Variants in ATP2A3 observed in about 807,000 individuals in gnomAD.
ATP2A3 encodes the protein sarcoplasmic/endoplasmic reticulum calcium ATPase 3.
A neutral mutation model predicts 106.8 loss-of-function variants in ATP2A3; 61 were observed. The observed-to-expected ratio is 0.57, with a 90% CI of 0.46 to 0.71. The LOEUF is 0.71. Among genes scored for constraint, ATP2A3 ranks in the 30% least tolerant of loss-of-function variants. ATP2A3 has a pLI of 0.00. For synonymous variants in ATP2A3, 611 were observed against 609.3 expected, an observed-to-expected ratio of 1.00 and a Z score of -0.04; for missense variants, 1,201 against 1,423.5, an observed-to-expected ratio of 0.84 and a Z score of 2.52.
At chr17:3,959,574 A>T (rs973061685) in intron 1 of ATP2A3, among the ~76,000 whole-genome samples, 4 of 152,098 alleles carry the variant, frequency 2.6e-5, no homozygotes, top group South Asian at 2.1e-4. Context: ...TCCTTCCTTC[A>T]TTGGAAACTG....
intron 3 of ATP2A3, among the ~76,000 whole-genome samples, chr17:3,952,481 T>C (rs2054505141): frequency 6.6e-6 from 1 of 152,172 alleles, no homozygotes; most frequent in Non-Finnish European, 1.5e-5. Flanking sequence ...TGCAAGAGGT[T>C]CAGACCCCAA....
chr17:3,932,730 A>C (rs1395274138), intron 17 of ATP2A3, among the ~76,000 whole-genome samples: 1 of 148,186 alleles, frequency 6.7e-6, no homozygotes, highest in African/African-American at 2.7e-5. Flanking sequence ...GTGAGCAGCC[A>C]CACGTTTCTA....
In ATP2A3 at chr17:3,947,893, G is replaced by A. The variant is rs758065954; in HGVS notation, c.631-38C>T. 6.3e-7 allele frequency: 1 copy of A among 1,590,108 alleles called. No individual in the cohort carries two copies. Among genetic ancestry groups the A allele is most frequent in the South Asian group, 1.1e-5 (1 of 90,702 alleles). On this transcript the variant is annotated intron_variant, in intron 7 of 20. Transcript: ENST00000397041. This position sits in a 1 kb window ranked among gnomAD's most constrained non-coding sequence, Gnocchi z 7.7. ...GGGACAAGGAAAAAGCTGCTCAGCA[G>A]CCAACCAGGGGCCCAGGACCCCTGA...
chr17:3,943,957 C>T (rs2053935759), intron 10 of ATP2A3, among the ~76,000 whole-genome samples: 1 of 152,206 alleles, frequency 6.6e-6, no homozygotes, highest in South Asian at 2.1e-4. Flanking sequence ...GCGACAGCCC[C>T]AGACAGCACA....
chr17:3,942,173 A>G (rs1197336865), intron 12 of ATP2A3, among the ~76,000 whole-genome samples: 1 of 152,148 alleles, frequency 6.6e-6, no homozygotes, highest in African/African-American at 2.4e-5. Context: ...CCCCGGGCCT[A>G]GGAACAGCCT....
In ATP2A3 at chr17:3,953,704, G is replaced by T. The variant is rs367773391; in HGVS notation, c.125C>A (p.Pro42Gln). The T allele has an allele frequency of 6.4e-7, 1 of 1,570,358 alleles. No homozygotes were observed. Among genetic ancestry groups the T allele is most frequent in the East Asian group, 2.4e-5 (1 of 42,418 alleles). ...ARERYGPNELPSEEGKSLWEL... is the reference protein window; with the variant it reads ...ARERYGPNELQSEEGKSLWEL... ...GGTGCCAGCCTCACCTTCCTCACTC[G>T]GGAGCTCTGCAGGATCCAGGCAGCC... The change falls in exon 2 of 21, where the codon CCG becomes CAG. Residue 42 changes from proline to glutamine, a missense_variant. Physicochemically the swap from Pro to Gln is moderately conservative, Grantham distance 76. Coordinates refer to ENST00000397041, the MANE Select transcript of ATP2A3 (RefSeq NM_005173.4). This position sits in a 1 kb window ranked among gnomAD's most constrained non-coding sequence, Gnocchi z 5.1.
rs869265323 is a variant in ATP2A3 at position 3,949,127 on chromosome 17, CAAAA to C, written c.631-1276_631-1273del. 2.0e-4 allele frequency among the ~76,000 whole-genome samples: 12 copies of C among 60,012 alleles called. No homozygotes were observed. The South Asian group carries it at 6.9e-3, about 34-fold the overall frequency. 39.4% of individuals were successfully genotyped at this position (60,012 alleles called of 152,430 possible). ...TGGGTGACAGAGTGAGACTCTGTCT[CAAAA>C]AAAAAAAAAAAAAAAAAAAAAAGGA... On this transcript the variant is annotated intron_variant, in intron 7 of 20. Transcript: ENST00000397041.
intron 8 of ATP2A3, among the ~76,000 whole-genome samples, chr17:3,946,435 G>A (rs1459678319): frequency 6.6e-6 from 1 of 151,944 alleles, no homozygotes; most frequent in African/African-American, 2.4e-5. Context: ...CCTGTCTGTA[G>A]TCCCAGCTAC....
Position 3,928,157 on chromosome 17 carries a change from G to A in ATP2A3, c.2980+506C>T, listed in dbSNP as rs1043107067. The A allele has an allele frequency of 8.7e-6, 14 of 1,601,094 alleles. No homozygotes were observed. Among genetic ancestry groups the A allele is most frequent in the East Asian group, 2.2e-5 (1 of 44,800 alleles). ...CCTGCCATCCTGTCCTCTCCACTCC[G>A]GGGTTAAGGCAGACCCAGAGCTGTG... On this transcript the variant is annotated intron_variant, in intron 20 of 20. Coordinates refer to ENST00000397041, the MANE Select transcript of ATP2A3 (RefSeq NM_005173.4). The surrounding 1 kb of genome is among the most constrained non-coding windows in gnomAD (Gnocchi z 6.1).
At chr17:3,934,986 G>A in intron 17 of ATP2A3, 1 of 600,422 alleles carries the variant, frequency 1.7e-6, no homozygotes, top group South Asian at 1.9e-5. Context: ...GGGATGGGGA[G>A]GCGCCTTTGG....
chr17:3,934,311 C>T (rs1426454136), intron 17 of ATP2A3, among the ~76,000 whole-genome samples: 1 of 152,038 alleles, frequency 6.6e-6, no homozygotes, highest in South Asian at 2.1e-4. Context: ...TCAGCTGTGA[C>T]CTCCTGGACT....
intron 17 of ATP2A3, 51 bp downstream of exon 17, chr17:3,935,141 C>T (rs919900457): frequency 6.3e-7 from 1 of 1,595,486 alleles, no homozygotes; most frequent in African/African-American, 1.3e-5. Flanking sequence ...CCTGGAACTC[C>T]AACAACTCGA....
In ATP2A3 at chr17:3,950,679, G is replaced by A. The variant is rs202180297; in HGVS notation, c.544+14C>T. On this transcript the variant is annotated intron_variant, in intron 6 of 20. Coordinates refer to ENST00000397041, the MANE Select transcript of ATP2A3 (RefSeq NM_005173.4). ...CTGGCCCACTAGGTCCCGGCCTCCT[G>A]GGGGGGGCCTCACCCGTCAGGATGG... 3 of 1,610,102 alleles carry A rather than the reference G, an allele frequency of 1.9e-6. No individual in the cohort carries two copies. The highest frequency in any genetic ancestry group is 2.5e-6 in the Non-Finnish European group (3 of 1,177,374).
chr17:3,933,536 G>A (rs2053240219), intron 17 of ATP2A3, among the ~76,000 whole-genome samples: 1 of 151,276 alleles, frequency 6.6e-6, no homozygotes, highest in African/African-American at 2.5e-5. Flanking sequence ...AGGAGATCGA[G>A]ACCATCCTGG....
In ATP2A3 at chr17:3,944,771, A is replaced by C; in HGVS notation, c.1220T>G (p.Phe407Cys). The change falls in exon 10 of 21, where the codon TTC becomes TGC. Residue 407 changes from phenylalanine to cysteine, a missense_variant. Phe to Cys is a radical substitution (Grantham distance 205). Transcript: ENST00000397041. ...GGTCGCCAGCTCCACCAGCCCGTCG[A>C]ACTGGCCGCAGCGCACAGGCTGATC... is the stretch of plus-strand genomic sequence containing the variant. ...QGDQPVRCGQ[F>C]DGLVELATIC... 2 of 1,612,634 alleles carry C rather than the reference A, an allele frequency of 1.2e-6. No homozygotes were observed. Among genetic ancestry groups the C allele is most frequent in the Non-Finnish European group, 1.7e-6 (2 of 1,179,556 alleles).
intron 8 of ATP2A3, 127 bp from the exon 9 acceptor site, chr17:3,945,275 C>T: frequency 1.2e-6 from 1 of 812,474 alleles, no homozygotes; most frequent in Non-Finnish European, 1.9e-6. Flanking sequence ...CCTGGCCGTC[C>T]GTGCCCACCA....
In ATP2A3 at chr17:3,951,596, A is replaced by G. The variant is rs750088900; in HGVS notation, c.309T>C (p.Ile103=). ...VIMLILVANA[I]VGVWQERNAE... is the part of the protein sequence containing the mutation. ...TGCCTCCCACCTGCCACACGCCCACAATGGCGTTGGCCACGAGGATCAGCA... is the reference window on the plus strand; with the variant it reads ...TGCCTCCCACCTGCCACACGCCCACGATGGCGTTGGCCACGAGGATCAGCA... The change falls in exon 4 of 21, where the codon ATT becomes ATC. Residue 103 remains isoleucine, a synonymous_variant. Coordinates refer to ENST00000397041, the MANE Select transcript of ATP2A3 (RefSeq NM_005173.4). 14 of 1,317,812 alleles carry G rather than the reference A, an allele frequency of 1.1e-5. No individual in the cohort carries two copies. Among genetic ancestry groups the G allele is most frequent in the Non-Finnish European group, 1.4e-5 (14 of 996,288 alleles). 81.6% of individuals were successfully genotyped at this position (1,317,812 alleles called of 1,614,324 possible).
chr17:3,934,922 G>A (rs2053340425), intron 17 of ATP2A3: 5 of 477,578 alleles, frequency 1.0e-5, no homozygotes, highest in Non-Finnish European at 1.9e-5. Context: ...GGGGTCCCTT[G>A]ACAAAGGTAA....
intron 17 of ATP2A3, among the ~76,000 whole-genome samples, chr17:3,931,812 C>T (rs768089426): frequency 3.3e-5 from 5 of 152,258 alleles, no homozygotes; most frequent in Middle Eastern, 3.4e-3. Context: ...TGAGCCACCG[C>T]GCCCGGCCAT....
Sources: allele counts gnomAD v4.1 joint callset (sites outside exome capture counted in the v4.1 genomes callset), GRCh38; gene constraint gnomAD v4.1.1; non-coding constraint Gnocchi (gnomAD v3.1); transcripts MANE v1.5; gene names NCBI Gene and HGNC (gene_info 2026-07-23, HGNC 2026-07-21).